HFM1: variants seen among roughly 807,000 people sequenced by gnomAD.
The protein encoded by HFM1 is probable ATP-dependent DNA helicase HFM1.
A neutral mutation model predicts 192.1 loss-of-function variants in HFM1; 169 were observed. The ratio of observed to expected loss-of-function variants is 0.88; its 90% CI spans 0.78 to 1.00. The LOEUF (loss-of-function observed/expected upper bound fraction) is 1.00. Among genes scored for constraint, HFM1 ranks in the 50% least tolerant of loss-of-function variants. HFM1 has a pLI of 0.00. For missense variants in HFM1, 1,661 were observed against 1,668.0 expected, an observed-to-expected ratio of 1.00 and a Z score of 0.07; for synonymous variants, 525 against 537.8, an observed-to-expected ratio of 0.98 and a Z score of 0.33.
intron 13 of HFM1, among the ~76,000 whole-genome samples, chr1:91,371,101 C>T (rs1660122539): frequency 6.6e-6 from 1 of 151,716 alleles, no homozygotes; most frequent in East Asian, 1.9e-4. Context: ...AGGATACAAA[C>T]AAATGGAAGA....
At chr1:91,400,991 C>A in intron 2 of HFM1, 21 bp downstream of exon 2, 1 of 1,260,468 alleles carries the variant, frequency 7.9e-7, no homozygotes, top group South Asian at 1.3e-5. Flanking sequence ...ACTATGCTAT[C>A]AATCTTTAAG....
chr1:91,279,850 G>C (rs1667299233), intron 30 of HFM1, among the ~76,000 whole-genome samples: 1 of 151,934 alleles, frequency 6.6e-6, no homozygotes, highest in Non-Finnish European at 1.5e-5. Flanking sequence ...CTTACTGTAT[G>C]CTGCCTTATA....
At chr1:91,368,717 C>T (rs1659736485) in intron 13 of HFM1, among the ~76,000 whole-genome samples, 1 of 152,156 alleles carries the variant, frequency 6.6e-6, no homozygotes, top group Non-Finnish European at 1.5e-5. Context: ...CAGCTAACAT[C>T]ATAATGACAG....
chr1:91,396,386 A>T lies in HFM1; in HGVS notation c.91T>A (p.Ser31Thr). Residue 31 changes from serine (S) to threonine (T), a missense_variant, in exon 3 of 39, where the codon TCA becomes ACA. Coordinates refer to ENST00000370425, the MANE Select transcript of HFM1 (RefSeq NM_001017975.6). ...EVENHPDNEK[S>T]LDWFLPPAPL... is the part of the protein sequence containing the mutation. ...GCAGGAGGGAGAAACCAATCCAATG[A>T]CTTTTCATTGTCTGGATGGCTATAT... 6.3e-7 allele frequency: 1 copy of T among 1,590,962 alleles called. No individual in the cohort carries two copies. Among genetic ancestry groups the T allele is most frequent in the Non-Finnish European group, 8.6e-7 (1 of 1,163,458 alleles).
intron 20 of HFM1, among the ~76,000 whole-genome samples, chr1:91,335,857 T>A: frequency 6.6e-6 from 1 of 151,988 alleles, no homozygotes; most frequent in Middle Eastern, 3.2e-3. Context: ...ATGGCCCCAG[T>A]CAATGACTGA....
chr1:91,361,338 C>A (rs982241813), intron 13 of HFM1, among the ~76,000 whole-genome samples: 11 of 151,850 alleles, frequency 7.2e-5, no homozygotes, highest in Admixed American at 2.0e-4. Context: ...AGAGAAGGAT[C>A]AAATAAACAC....
chr1:91,311,244 G>C (rs1379159152), intron 30 of HFM1, among the ~76,000 whole-genome samples: 1 of 152,192 alleles, frequency 6.6e-6, no homozygotes, highest in Non-Finnish European at 1.5e-5. Flanking sequence ...CTTTTAACTT[G>C]AGAGAGATGA....
In HFM1 at chr1:91,289,833, A is replaced by G. The variant is rs1001544498; in HGVS notation, c.3392-12771T>C. Among the ~76,000 whole-genome samples the G allele has an allele frequency of 8.1e-4, 123 of 151,830 alleles. 2 individuals carry two copies. Among genetic ancestry groups the G allele is most frequent in the Non-Finnish European group, 2.6e-4 (18 of 68,042 alleles). On this transcript the variant is annotated intron_variant, in intron 30 of 38. Coordinates refer to ENST00000370425, the MANE Select transcript of HFM1 (RefSeq NM_001017975.6). Reference sequence around the variant, plus strand: ...CAGCACAGTCCAGCCTCAGCTCAGCATCAGAGGGAGACCGTGCAAAGAGGG... The same window carrying G: ...CAGCACAGTCCAGCCTCAGCTCAGCGTCAGAGGGAGACCGTGCAAAGAGGG...
chr1:91,273,070 G>C (rs1666466131), intron 34 of HFM1, among the ~76,000 whole-genome samples: 1 of 152,018 alleles, frequency 6.6e-6, no homozygotes, highest in African/African-American at 2.4e-5. Context: ...GCAGGAACCA[G>C]AGTAATGATG....
At chr1:91,301,371 T>C (rs373887464) in intron 30 of HFM1, among the ~76,000 whole-genome samples, 1 of 137,432 alleles carries the variant, frequency 7.3e-6, no homozygotes, top group Non-Finnish European at 1.6e-5. Context: ...AGGTAATTTA[T>C]AGATACAATG....
At chr1:91,403,983 A>G (rs1376986592) in intron 1 of HFM1, among the ~76,000 whole-genome samples, 1 of 152,226 alleles carries the variant, frequency 6.6e-6, no homozygotes, top group Non-Finnish European at 1.5e-5. Context: ...TTTTAAAAGT[A>G]CAGAAACTCA....
At position 91,350,885 on chromosome 1, in the gene HFM1, A is replaced by G. The variant is rs763876266; in HGVS notation, c.2073-14T>C. The G allele has an allele frequency of 6.4e-7, 1 of 1,558,322 alleles. No individual in the cohort carries two copies. The highest frequency in any genetic ancestry group is 8.7e-7 in the Non-Finnish European group (1 of 1,144,746). ...TGTCTGTGCAAACTAATGAAAAAAA[A>G]CTTTGCATTATGAATATGCAGTTCA... On this transcript the variant is annotated splice_polypyrimidine_tract_variant and intron_variant, in intron 17 of 38. Transcript: ENST00000370425.
intron 30 of HFM1, among the ~76,000 whole-genome samples, chr1:91,301,020 G>A (rs1648675216): frequency 2.6e-5 from 4 of 152,366 alleles, no homozygotes; most frequent in African/African-American, 9.6e-5. Flanking sequence ...TGACATGATT[G>A]TATATCTAGA....
At chr1:91,353,218 AT>A in intron 14 of HFM1, 37 bp downstream of exon 14, 3 of 1,562,526 alleles carry the variant, frequency 1.9e-6, no homozygotes, top group South Asian at 1.1e-5. Flanking sequence ...TTTCATCTAT[AT>A]GTGAAAATGC....
intron 32 of HFM1, 133 bp downstream of exon 32, chr1:91,276,495 T>A: frequency 2.3e-6 from 1 of 435,178 alleles, no homozygotes; most frequent in Non-Finnish European, 4.2e-6. Flanking sequence ...GGATTATGAA[T>A]AATGGTAATA....
chr1:91,284,378 A>G (rs1264594576), intron 30 of HFM1, among the ~76,000 whole-genome samples: 1 of 151,976 alleles, frequency 6.6e-6, no homozygotes, highest in Non-Finnish European at 1.5e-5. Flanking sequence ...AGTAGCTCGT[A>G]TTACATGGGA....
intron 8 of HFM1, among the ~76,000 whole-genome samples, chr1:91,379,598 T>C (rs1456956662): frequency 1.3e-5 from 2 of 152,128 alleles, no homozygotes; most frequent in African/African-American, 4.8e-5. Flanking sequence ...TAGACAAGCT[T>C]GATTTAGAGA....
intron 30 of HFM1, among the ~76,000 whole-genome samples, chr1:91,286,989 G>T (rs976972947): frequency 3.3e-5 from 5 of 152,116 alleles, no homozygotes; most frequent in South Asian, 2.1e-4. Context: ...ATTATATCCC[G>T]CACCTGGCTC....
intron 19 of HFM1, 126 bp from the exon 20 acceptor site, chr1:91,343,636 T>C (rs1326049125): frequency 5.0e-6 from 2 of 400,770 alleles, no homozygotes; most frequent in Non-Finnish European, 9.1e-6. Context: ...CCATAGTCCC[T>C]ACTTAAGCAG....
Sources: gnomAD v4.1 joint callset for allele counts (sites outside exome capture counted in the v4.1 genomes callset) on GRCh38, gnomAD v4.1.1 for gene constraint, MANE v1.5 for transcripts, NCBI Gene and HGNC (gene_info 2026-07-23, HGNC 2026-07-21) for gene names.